CMTM8: variants seen among roughly 807,000 people sequenced by gnomAD.
CMTM8 encodes CKLF-like MARVEL transmembrane domain-containing protein 8.
Under a neutral mutation model 18.6 loss-of-function variants are expected in CMTM8, and 12 were observed. The observed-to-expected ratio is 0.65, with a 90% confidence interval of 0.41 to 1.05. The LOEUF (loss-of-function observed/expected upper bound fraction) is 1.05, where lower values mean the gene tolerates loss of function less well. CMTM8 is among the 50% of genes least tolerant of loss of function. The pLI, the probability that CMTM8 is intolerant of heterozygous loss-of-function variation, is 0.00. For synonymous variants in CMTM8, 87 were observed against 90.6 expected (o/e 0.96, Z 0.23); for missense variants, 217 against 227.2 (o/e 0.95, Z 0.29).
intron 1 of CMTM8, among the ~76,000 whole-genome samples, chr3:32,317,788 G>T (rs1695957730): frequency 1.3e-5 from 2 of 152,116 alleles, no homozygotes; most frequent in South Asian, 2.1e-4. Context: ...GGTGTGGTTG[G>T]CTAATGCCTG....
intron 1 of CMTM8, among the ~76,000 whole-genome samples, chr3:32,301,047 G>T (rs142143702): frequency 0.019 from 2,863 of 152,020 alleles, 42 homozygotes; most frequent in Non-Finnish European, 0.03. Context: ...AAAAACAAAT[G>T]GCTGAGATTA....
intron 1 of CMTM8, among the ~76,000 whole-genome samples, chr3:32,256,200 G>A (rs1386574718): frequency 1.3e-5 from 2 of 151,086 alleles, no homozygotes; most frequent in African/African-American, 4.9e-5. Context: ...CTGTGCAGGT[G>A]GGATCACAGG....
At chr3:32,337,295 G>T (rs990551484) in intron 1 of CMTM8, among the ~76,000 whole-genome samples, 1 of 152,204 alleles carries the variant, frequency 6.6e-6, no homozygotes, top group Non-Finnish European at 1.5e-5. Context: ...GTAAGTAAAT[G>T]TGGGAGCCAG....
chr3:32,238,968 C>G lies in CMTM8; in HGVS notation c.-5C>G, dbSNP rs1034400950. 9.7e-6 allele frequency: 15 copies of G among 1,546,906 alleles called. No individual in the cohort carries two copies. Among genetic ancestry groups the G allele is most frequent in the Non-Finnish European group, 1.3e-5 (15 of 1,145,410 alleles). On this transcript the variant is annotated 5_prime_UTR_variant, in exon 1 of 4. Transcript: ENST00000307526. ...GGGACGCGCCAGCCCGGCAGTGGCT[C>G]GACGATGGAGGAGCCGCAGCGCGCC...
intron 1 of CMTM8, among the ~76,000 whole-genome samples, chr3:32,274,322 T>C (rs1702483825): frequency 6.6e-6 from 1 of 151,974 alleles, no homozygotes; most frequent in Non-Finnish European, 1.5e-5. Flanking sequence ...AAATTTCATG[T>C]TTTACCCATA....
At position 32,252,076 on chromosome 3, in the gene CMTM8, G is replaced by C. The variant is rs996282552; in HGVS notation, c.147+12957G>C. On this transcript the variant is annotated intron_variant, in intron 1 of 3. Transcript: ENST00000307526. ...TCACTGCACTCCAGCCTGGGCAACA[G>C]AGCCAGACCCTGTCTCAGAAAAAAT... 2.6e-5 allele frequency among the ~76,000 whole-genome samples: 4 copies of C among 152,094 alleles called. No individual in the cohort carries two copies. The East Asian group carries it at 7.7e-4, about 29-fold the overall frequency.
At chr3:32,239,684 C>T (rs1701920183) in intron 1 of CMTM8, among the ~76,000 whole-genome samples, 2 of 152,110 alleles carry the variant, frequency 1.3e-5, no homozygotes, top group African/African-American at 2.4e-5. Context: ...TCAGAACATT[C>T]CTGGGAAGGA....
chr3:32,324,462 C>T (rs1162056806), intron 1 of CMTM8, among the ~76,000 whole-genome samples: 4 of 152,156 alleles, frequency 2.6e-5, no homozygotes, highest in Admixed American at 1.3e-4. Context: ...TTTTTGTCTA[C>T]AGTGCACAAG....
At chr3:32,335,622 CA>C (rs1343590707) in intron 1 of CMTM8, among the ~76,000 whole-genome samples, 7 of 152,158 alleles carry the variant, frequency 4.6e-5, no homozygotes, top group Non-Finnish European at 7.3e-5. Context: ...GCTGTGGGGG[CA>C]AAGGCTAATT....
chr3:32,252,431 T>C (rs1702124246), intron 1 of CMTM8, among the ~76,000 whole-genome samples: 2 of 152,216 alleles, frequency 1.3e-5, no homozygotes, highest in Admixed American at 1.3e-4. Context: ...CAACTTGGAT[T>C]GTGATTTCAT....
chr3:32,275,362 C>T (rs946873870), intron 1 of CMTM8, among the ~76,000 whole-genome samples: 14 of 152,148 alleles, frequency 9.2e-5, no homozygotes, highest in Non-Finnish European at 1.3e-4. Flanking sequence ...GGCTTTGAGT[C>T]TTGGCCCTGC....
intron 2 of CMTM8, among the ~76,000 whole-genome samples, chr3:32,364,976 C>G (rs536088591): frequency 6.6e-6 from 1 of 152,284 alleles, no homozygotes; most frequent in East Asian, 1.9e-4. Context: ...CCCCCTCCTC[C>G]CCTTCCTAGC....
At position 32,370,035 on chromosome 3, in the gene CMTM8, A is replaced by G; in HGVS notation, c.*68A>G. The stretch of plus-strand genomic sequence containing the variant: ...TCACTGTAAAAACAGCTGTAGGTAT[A>G]ATGTATATTCCCAGAGAATTGTATT... On this transcript the variant is annotated 3_prime_UTR_variant, in exon 4 of 4. Coordinates refer to ENST00000307526, the MANE Select transcript of CMTM8 (RefSeq NM_178868.5). 1.2e-6 allele frequency: 1 copy of G among 821,148 alleles called. No homozygotes were observed. The highest frequency in any genetic ancestry group is 2.0e-6 in the Non-Finnish European group (1 of 509,884). The allele number at this position is 821,148 out of a possible 1,614,324, so 50.9% of individuals were successfully genotyped here.
intron 1 of CMTM8, among the ~76,000 whole-genome samples, chr3:32,342,382 G>A (rs1395617739): frequency 2.0e-5 from 3 of 152,206 alleles, no homozygotes; most frequent in Non-Finnish European, 4.4e-5. Context: ...ATAGGTCCTC[G>A]ATAAATATTG....
chr3:32,269,256 C>T (rs1189932285), intron 1 of CMTM8, among the ~76,000 whole-genome samples: 1 of 152,116 alleles, frequency 6.6e-6, no homozygotes, highest in East Asian at 1.9e-4. Flanking sequence ...GAAGCTCTGA[C>T]CTTCTTCTGT....
upstream of CMTM8, chr3:32,238,375 T>G (rs1052430307): frequency 3.3e-5 from 5 of 152,176 alleles, no homozygotes; most frequent in African/African-American, 9.6e-5. Flanking sequence ...GGGGCCCCAA[T>G]GCCCGCAGCC....
At chr3:32,318,993 TA>T (rs965908289) in intron 1 of CMTM8, among the ~76,000 whole-genome samples, 9 of 148,550 alleles carry the variant, frequency 6.1e-5, no homozygotes, top group Middle Eastern at 3.5e-3. Flanking sequence ...TAGGTAGCCC[TA>T]AACAATAGGA....
At chr3:32,259,380 C>T in intron 1 of CMTM8, 2 of 844,726 alleles carry the variant, frequency 2.4e-6, no homozygotes, top group Non-Finnish European at 4.1e-6. Flanking sequence ...GTGGACAATG[C>T]CCGCATTGTT....
chr3:32,315,296 AT>A (rs1321521375), intron 1 of CMTM8, among the ~76,000 whole-genome samples: 3 of 151,756 alleles, frequency 2.0e-5, no homozygotes, highest in African/African-American at 7.3e-5. Context: ...CACCCAGCTA[AT>A]TTTTGTATTT....
Sources: allele counts gnomAD v4.1 joint callset (sites outside exome capture counted in the v4.1 genomes callset), GRCh38; gene constraint gnomAD v4.1.1; transcripts MANE v1.5; gene names NCBI Gene and HGNC (gene_info 2026-07-23, HGNC 2026-07-21).